The following MAN2A1 variants were observed in gnomAD, a reference collection of about 807,000 sequenced individuals.
MAN2A1 encodes mannosidase alpha class 2A member 1, also known as alpha-mannosidase 2.
A neutral mutation model predicts 142.6 loss-of-function variants in MAN2A1; 76 were observed. The ratio of observed to expected loss-of-function variants is 0.53; its 90% CI spans 0.44 to 0.65. MAN2A1 has a LOEUF of 0.65. Among genes scored for constraint, MAN2A1 ranks in the 30% least tolerant of loss-of-function variants. The pLI is 0.00. For synonymous variants in MAN2A1, 559 were observed against 473.2 expected, an observed-to-expected ratio of 1.18 and a Z score of -2.35; for missense variants, 1,311 against 1,365.1, an observed-to-expected ratio of 0.96 and a Z score of 0.62.
chr5:109,704,334 C>T (rs1751069492), intron 1 of MAN2A1, among the ~76,000 whole-genome samples: 1 of 152,242 alleles, frequency 6.6e-6, no homozygotes, highest in Admixed American at 6.5e-5. Flanking sequence ...GTAAGGTATT[C>T]TGTAGCTACG....
intron 16 of MAN2A1, among the ~76,000 whole-genome samples, chr5:109,831,261 G>A (rs1754898905): frequency 6.6e-6 from 1 of 152,204 alleles, no homozygotes; most frequent in Admixed American, 6.5e-5. Flanking sequence ...AGTGAGTGTT[G>A]TATCTACTTA....
At chr5:109,749,156 T>C (rs557294638) in intron 4 of MAN2A1, among the ~76,000 whole-genome samples, 145 of 152,306 alleles carry the variant, frequency 9.5e-4, no homozygotes, top group African/African-American at 3.2e-3. Flanking sequence ...TGAAGCTTGC[T>C]AAATGATGCA....
chr5:109,852,402 A>G (rs1561543759), intron 19 of MAN2A1, among the ~76,000 whole-genome samples: 2 of 152,306 alleles, frequency 1.3e-5, no homozygotes, highest in East Asian at 3.9e-4. Flanking sequence ...AGTTCCCACC[A>G]TGTTTCAAGT....
At chr5:109,754,831 G>A (rs4957578) in intron 4 of MAN2A1, among the ~76,000 whole-genome samples, 60,650 of 151,954 alleles carry the variant, frequency 0.4, 13,246 homozygotes, top group African/African-American at 0.59. Context: ...GAGAAACCAC[G>A]TCTCTACCAA....
chr5:109,769,610 T>C (rs1753086804), intron 6 of MAN2A1, among the ~76,000 whole-genome samples: 1 of 152,234 alleles, frequency 6.6e-6, no homozygotes, highest in Admixed American at 6.5e-5. Flanking sequence ...GGCCAACATG[T>C]GATAACATTG....
At chr5:109,693,003 C>A (rs1343958097) in intron 1 of MAN2A1, among the ~76,000 whole-genome samples, 1 of 152,178 alleles carries the variant, frequency 6.6e-6, no homozygotes, top group Non-Finnish European at 1.5e-5. Flanking sequence ...TGCTGACCTG[C>A]TATGCCACTC....
intron 20 of MAN2A1, among the ~76,000 whole-genome samples, chr5:109,860,854 G>A (rs1279205244): frequency 2.0e-5 from 3 of 152,106 alleles, no homozygotes; most frequent in East Asian, 3.9e-4. Context: ...TTTTTGATAA[G>A]TTATAGTTTT....
chr5:109,733,439 C>T (rs1332694457), intron 4 of MAN2A1, among the ~76,000 whole-genome samples: 1 of 152,134 alleles, frequency 6.6e-6, no homozygotes, highest in Admixed American at 6.5e-5. Flanking sequence ...CTGTCTTGTG[C>T]CCATTTTCAA....
chr5:109,705,902 A>G (rs917682122), intron 1 of MAN2A1, among the ~76,000 whole-genome samples: 4 of 151,960 alleles, frequency 2.6e-5, no homozygotes, highest in Admixed American at 2.6e-4. Context: ...TGACTCTTCC[A>G]TTTTCCTCTT....
intron 4 of MAN2A1, among the ~76,000 whole-genome samples, chr5:109,745,342 T>C (rs1357464249): frequency 6.6e-6 from 1 of 152,162 alleles, no homozygotes; most frequent in Non-Finnish European, 1.5e-5. Flanking sequence ...TATATGTCTC[T>C]CTTGATATGG....
intron 12 of MAN2A1, among the ~76,000 whole-genome samples, chr5:109,815,773 G>A (rs1754440108): frequency 6.6e-6 from 1 of 152,138 alleles, no homozygotes; most frequent in Admixed American, 6.5e-5. Context: ...TATACAGGAT[G>A]GAAGAATACT....
intron 4 of MAN2A1, among the ~76,000 whole-genome samples, chr5:109,754,097 A>T (rs981513365): frequency 6.6e-6 from 1 of 151,760 alleles, no homozygotes; most frequent in Non-Finnish European, 1.5e-5. Context: ...TATTTTGTAA[A>T]TATGGGATCT....
intron 3 of MAN2A1, among the ~76,000 whole-genome samples, chr5:109,724,651 G>C (rs1321860259): frequency 6.6e-6 from 1 of 151,520 alleles, no homozygotes. Flanking sequence ...CTTTTGAGTG[G>C]AATTAATATA....
intron 1 of MAN2A1, among the ~76,000 whole-genome samples, chr5:109,692,754 G>T (rs1472411676): frequency 1.4e-5 from 2 of 147,732 alleles, no homozygotes; most frequent in African/African-American, 5.0e-5. Flanking sequence ...TGGTACCAGG[G>T]ACTGGTTTCC....
intron 3 of MAN2A1, among the ~76,000 whole-genome samples, chr5:109,727,130 T>C (rs751165462): frequency 6.6e-6 from 1 of 152,212 alleles, no homozygotes; most frequent in Non-Finnish European, 1.5e-5. Flanking sequence ...ATTTCTTGGA[T>C]GGTAATGACG....
At chr5:109,843,418 C>T (rs1044504026) in intron 17 of MAN2A1, among the ~76,000 whole-genome samples, 1 of 152,128 alleles carries the variant, frequency 6.6e-6, no homozygotes, top group Admixed American at 6.5e-5. Flanking sequence ...CTCTCAACAC[C>T]TGGGGATTAC....
At chr5:109,825,159 A>G (rs1754723312) in intron 16 of MAN2A1, among the ~76,000 whole-genome samples, 1 of 152,182 alleles carries the variant, frequency 6.6e-6, no homozygotes, top group Non-Finnish European at 1.5e-5. Context: ...GTTTTTGATC[A>G]TCTGTTTGTA....
chr5:109,693,872 A>C (rs1214978724), intron 1 of MAN2A1, among the ~76,000 whole-genome samples: 1 of 152,194 alleles, frequency 6.6e-6, no homozygotes, highest in Non-Finnish European at 1.5e-5. Context: ...CAGCTAAGAA[A>C]ATTAATAAAA....
chr5:109,842,842 G>T (rs1210902732), intron 17 of MAN2A1, among the ~76,000 whole-genome samples: 1 of 107,710 alleles, frequency 9.3e-6, no homozygotes, highest in Non-Finnish European at 1.8e-5. Context: ...GTCTCGCTCT[G>T]TTGCCCAGGC....
Sources: allele counts gnomAD v4.1 joint callset (sites outside exome capture counted in the v4.1 genomes callset), GRCh38; gene constraint gnomAD v4.1.1; transcripts MANE v1.5; gene names NCBI Gene and HGNC (gene_info 2026-07-23, HGNC 2026-07-21).